Variants in SLC36A4 observed in about 807,000 individuals in gnomAD.
SLC36A4 encodes neutral amino acid uniporter 4.
Under a neutral mutation model 50.5 loss-of-function variants are expected in SLC36A4, and 49 were observed. The observed-to-expected ratio is 0.97, with a 90% CI of 0.77 to 1.23. SLC36A4 has a LOEUF of 1.23. Among genes scored for constraint, SLC36A4 ranks in the 50% most tolerant of loss-of-function variants. The pLI is 0.00. For missense variants in SLC36A4, 611 were observed against 608.4 expected, an observed-to-expected ratio of 1.00 and a Z score of -0.05; for synonymous variants, 207 against 206.5, an observed-to-expected ratio of 1.00 and a Z score of -0.02.
At chr11:93,152,862 C>T (rs1860160174) in intron 10 of SLC36A4, 1 of 151,948 alleles carries the variant, frequency 6.6e-6, no homozygotes, top group South Asian at 2.1e-4. Flanking sequence ...TTAGTCATTA[C>T]CAAAATGTCA....
At chr11:93,177,729 T>C (rs1160420037) in intron 6 of SLC36A4, among the ~76,000 whole-genome samples, 1 of 152,178 alleles carries the variant, frequency 6.6e-6, no homozygotes, top group African/African-American at 2.4e-5. Context: ...ATCCTTCCTC[T>C]GGAAGCTTCG....
chr11:93,186,214 A>G (rs1861977812), intron 1 of SLC36A4, among the ~76,000 whole-genome samples: 1 of 152,216 alleles, frequency 6.6e-6, no homozygotes, highest in Non-Finnish European at 1.5e-5. Flanking sequence ...ACTTGATGAA[A>G]ATTACAAAGT....
intron 10 of SLC36A4, among the ~76,000 whole-genome samples, chr11:93,149,092 T>C (rs2134621622): frequency 6.6e-6 from 1 of 152,202 alleles, no homozygotes; most frequent in Non-Finnish European, 1.5e-5. Context: ...GTAAACAACT[T>C]TTAATTTTTT....
chr11:93,192,124 T>C (rs984748476), intron 1 of SLC36A4, among the ~76,000 whole-genome samples: 1 of 151,970 alleles, frequency 6.6e-6, no homozygotes, highest in African/African-American at 2.4e-5. Context: ...CAGAGATAAG[T>C]TGGATAGTGT....
chr11:93,169,148 GT>G (rs1417323724), intron 6 of SLC36A4, among the ~76,000 whole-genome samples: 2 of 152,030 alleles, frequency 1.3e-5, no homozygotes, highest in Non-Finnish European at 2.9e-5. Context: ...AATAGCTAGT[GT>G]TTTTTGAGTA....
At position 93,144,922 on chromosome 11, in the gene SLC36A4, A is replaced by T. The variant is rs894971535; in HGVS notation, c.*3615T>A. Reference sequence around the variant, plus strand: ...ACCAAATTATTTTATTCCTCAACAGATGGTATTGAGCCACTGATGCTATTT... The same window carrying T: ...ACCAAATTATTTTATTCCTCAACAGTTGGTATTGAGCCACTGATGCTATTT... On this transcript the variant is annotated 3_prime_UTR_variant, in exon 11 of 11. Transcript: ENST00000326402. The T allele has an allele frequency of 2.6e-5, 4 of 152,008 alleles. No homozygotes were observed. Among genetic ancestry groups the T allele is most frequent in the African/African-American group, 9.7e-5 (4 of 41,436 alleles). The allele number at this position is 152,008 out of a possible 1,614,324, so 9.4% of individuals were successfully genotyped here.
intron 8 of SLC36A4, among the ~76,000 whole-genome samples, chr11:93,163,255 T>C (rs1590944487): frequency 1.3e-5 from 2 of 152,312 alleles, no homozygotes; most frequent in Non-Finnish European, 2.9e-5. Context: ...TAAAAACCAA[T>C]ATTGGTACAT....
intron 3 of SLC36A4, 116 bp downstream of exon 3, chr11:93,184,314 A>G: frequency 1.4e-6 from 1 of 710,174 alleles, no homozygotes; most frequent in Non-Finnish European, 2.5e-6. Context: ...GACAACATCT[A>G]AATGATCATC....
At chr11:93,159,231 C>A (rs1860511490) in intron 9 of SLC36A4, among the ~76,000 whole-genome samples, 1 of 152,080 alleles carries the variant, frequency 6.6e-6, no homozygotes, top group African/African-American at 2.4e-5. Context: ...AATTATTTTT[C>A]AGCCAATATA....
intron 6 of SLC36A4, among the ~76,000 whole-genome samples, chr11:93,177,140 C>T (rs975997465): frequency 2.0e-5 from 3 of 152,132 alleles, no homozygotes; most frequent in Non-Finnish European, 4.4e-5. Flanking sequence ...TTCTTGGAGG[C>T]TTTGTTCGTT....
rs551538299 is a variant in SLC36A4, at chr11:93,193,336, G to A, written c.55+4442C>T. Among the ~76,000 whole-genome samples, 138 of 152,034 alleles carry A rather than the reference G, an allele frequency of 9.1e-4. 1 individual carries two copies. Among genetic ancestry groups the A allele is most frequent in the Non-Finnish European group, 1.2e-3 (81 of 67,964 alleles). ...AAACTGACACCCCAAAGGAATTAAA[G>A]ATTATAGAACCCAATTTACATTACA... On this transcript the variant is annotated intron_variant, in intron 1 of 10. Coordinates refer to ENST00000326402, the MANE Select transcript of SLC36A4 (RefSeq NM_152313.4).
intron 9 of SLC36A4, among the ~76,000 whole-genome samples, chr11:93,159,303 C>T (rs1448781434): frequency 1.3e-5 from 2 of 152,068 alleles, no homozygotes; most frequent in African/African-American, 4.8e-5. Flanking sequence ...GTTTTGAAAA[C>T]ATAGAATATC....
chr11:93,197,510 G>A, intron 1 of SLC36A4: 1 of 518,468 alleles, frequency 1.9e-6, no homozygotes. Context: ...ACAGGGCCCC[G>A]CCCCACTCAA....
chr11:93,187,662 A>G (rs779316499), intron 1 of SLC36A4, among the ~76,000 whole-genome samples: 43 of 152,330 alleles, frequency 2.8e-4, no homozygotes, highest in Non-Finnish European at 3.7e-4. Context: ...CAGGAATCCT[A>G]GTTCAAGAGT....
In SLC36A4 at chr11:93,154,097, A is replaced by C; in HGVS notation, c.1207+11T>G. 1 of 1,298,100 alleles carries C rather than the reference A, an allele frequency of 7.7e-7. No homozygotes were observed. The highest frequency in any genetic ancestry group is 1.0e-6 in the Non-Finnish European group (1 of 956,248). 80.4% of individuals were successfully genotyped at this position (1,298,100 alleles called of 1,614,324 possible). On this transcript the variant is annotated intron_variant, in intron 10 of 10. Coordinates refer to ENST00000326402, the MANE Select transcript of SLC36A4 (RefSeq NM_152313.4). ...AAAATTATTATGATATAAATATATA[A>C]TGATACTTACAAGTAATACTAACCA...
intron 6 of SLC36A4, among the ~76,000 whole-genome samples, chr11:93,168,920 C>G (rs1367929489): frequency 1.3e-5 from 2 of 151,984 alleles, no homozygotes; most frequent in African/African-American, 4.8e-5. Flanking sequence ...TATCTCTGAT[C>G]CAATTAATCA....
Position 93,180,886 on chromosome 11 carries a change from A to G in SLC36A4, c.456-5T>C, listed in dbSNP as rs759580725. On this transcript the variant is annotated splice_polypyrimidine_tract_variant and splice_region_variant and intron_variant, in intron 5 of 10. Transcript: ENST00000326402. ...AGAAAAAAGTCAACCACACTCCTGA[A>G]AAAAGATATCCACAAATGAGTATCC... The G allele has an allele frequency of 2.0e-4, 321 of 1,599,906 alleles. 4 individuals carry two copies. In the Admixed American group the frequency reaches 5.3e-3, roughly 26 times the overall value.
At position 93,167,501 on chromosome 11, in the gene SLC36A4, AGG is replaced by A. The variant is rs779274488; in HGVS notation, c.768+441_768+442del. 9 of 153,058 alleles carry A rather than the reference AGG, an allele frequency of 5.9e-5. No homozygotes were observed. In the East Asian group the frequency reaches 1.7e-3, roughly 29 times the overall value. 9.5% of individuals were successfully genotyped at this position (153,058 alleles called of 1,614,324 possible). On this transcript the variant is annotated intron_variant, in intron 7 of 10. Transcript: ENST00000326402. The stretch of plus-strand genomic sequence containing the variant: ...ATGTTATTGCATATACTTCAGGTAA[AGG>A]GATTACAGACTAGTGTAGTGGCAGT...
intron 9 of SLC36A4, chr11:93,160,112 T>C (rs973741264): frequency 3.0e-5 from 30 of 985,278 alleles, no homozygotes; most frequent in Non-Finnish European, 3.3e-5. Context: ...AGTCCAAACT[T>C]CTCACTTTAC....
Sources: allele counts gnomAD v4.1 joint callset (sites outside exome capture counted in the v4.1 genomes callset), GRCh38; gene constraint gnomAD v4.1.1; transcripts MANE v1.5; gene names NCBI Gene and HGNC (gene_info 2026-07-23, HGNC 2026-07-21).